Variants in ARMC8 observed in about 807,000 individuals in gnomAD.
ARMC8 encodes armadillo repeat-containing protein 8.
Under a neutral mutation model 99.3 loss-of-function variants are expected in ARMC8, and 20 were observed. The observed-to-expected ratio is 0.20, with a 90% CI of 0.14 to 0.29. The LOEUF is 0.29. Ranked by LOEUF, ARMC8 falls within the 10% of genes least tolerant of loss-of-function variation. ARMC8 has a pLI of 1.00. For missense variants in ARMC8, 569 were observed against 809.5 expected, an observed-to-expected ratio of 0.70 and a Z score of 3.60; for synonymous variants, 263 against 278.3, an observed-to-expected ratio of 0.95 and a Z score of 0.55.
At chr3:138,274,306 C>T in intron 17 of ARMC8, 143 bp from the exon 18 acceptor site, 1 of 586,740 alleles carries the variant, frequency 1.7e-6, no homozygotes, top group East Asian at 2.9e-5. Flanking sequence ...ATAATAAACA[C>T]TGTTCTTTGG....
chr3:138,205,753 C>T (rs558868567), intron 1 of ARMC8, among the ~76,000 whole-genome samples: 3 of 152,098 alleles, frequency 2.0e-5, no homozygotes, highest in South Asian at 2.1e-4. Flanking sequence ...GCCTGGGCAA[C>T]GAGGTTGAGA....
At chr3:138,288,787 G>T (rs866624195) in intron 19 of ARMC8, among the ~76,000 whole-genome samples, 1 of 151,920 alleles carries the variant, frequency 6.6e-6, no homozygotes, top group South Asian at 2.1e-4. Context: ...ACAGGCGCCC[G>T]CCACTACACC....
chr3:138,206,530 C>T (rs1422764299), intron 1 of ARMC8, among the ~76,000 whole-genome samples: 2 of 152,218 alleles, frequency 1.3e-5, no homozygotes, highest in African/African-American at 4.8e-5. Context: ...CTAAAAAAAG[C>T]TCTACCCCTA....
At chr3:138,259,263 G>A (rs190055523) in intron 12 of ARMC8, among the ~76,000 whole-genome samples, 3 of 152,184 alleles carry the variant, frequency 2.0e-5, no homozygotes, top group Non-Finnish European at 4.4e-5. Flanking sequence ...GGCTGTGGCA[G>A]CAGCCACTAC....
chr3:138,293,325 A>T (rs945637396), intron 21 of ARMC8, among the ~76,000 whole-genome samples: 2 of 152,170 alleles, frequency 1.3e-5, no homozygotes, highest in Admixed American at 6.5e-5. Flanking sequence ...GCGGATTATG[A>T]GGTCAGGAGT....
intron 12 of ARMC8, among the ~76,000 whole-genome samples, chr3:138,255,123 A>G (rs997587057): frequency 1.3e-5 from 2 of 151,500 alleles, no homozygotes; most frequent in African/African-American, 4.8e-5. Context: ...TGGGTTTTTT[A>G]GGTCTCCAGC....
chr3:138,276,624 C>T (rs954808503), intron 18 of ARMC8, among the ~76,000 whole-genome samples: 1 of 152,148 alleles, frequency 6.6e-6, no homozygotes, highest in Non-Finnish European at 1.5e-5. Context: ...TTTTTATATA[C>T]TAGCAGTGAA....
chr3:138,227,554 C>G (rs527264258), intron 5 of ARMC8, among the ~76,000 whole-genome samples: 5 of 152,218 alleles, frequency 3.3e-5, no homozygotes, highest in Non-Finnish European at 7.3e-5. Context: ...TACTAACAAA[C>G]GGGGAAGAGA....
At chr3:138,247,088 C>T (rs777412103) in intron 12 of ARMC8, among the ~76,000 whole-genome samples, 2 of 151,988 alleles carry the variant, frequency 1.3e-5, no homozygotes, top group African/African-American at 2.4e-5. Context: ...TGGCCATAGG[C>T]GTGGAAAAAT....
At chr3:138,270,000 C>A (rs1475308217) in intron 15 of ARMC8, 40 bp from the exon 16 acceptor site, 1 of 1,439,098 alleles carries the variant, frequency 6.9e-7, no homozygotes, top group Non-Finnish European at 9.8e-7. Context: ...GCAAACTGGA[C>A]TTTAAAGCTG....
At chr3:138,217,401 C>CT (rs753393123) in intron 2 of ARMC8, among the ~76,000 whole-genome samples, 3,613 of 135,758 alleles carry the variant, frequency 0.027, 55 homozygotes, top group Non-Finnish European at 0.039. Flanking sequence ...GGTCTAGATC[C>CT]TTTTTTTTTT....
chr3:138,188,461 G>A, intron 1 of ARMC8: 3 of 1,612,344 alleles, frequency 1.9e-6, no homozygotes, highest in South Asian at 2.2e-5. Flanking sequence ...CCAGGACCAG[G>A]AATGAAAGTT....
At chr3:138,188,731 C>T (rs2043214603) in intron 1 of ARMC8, among the ~76,000 whole-genome samples, 1 of 152,312 alleles carries the variant, frequency 6.6e-6, no homozygotes, top group East Asian at 1.9e-4. Flanking sequence ...ACTCACCTAT[C>T]TGAAAACACC....
chr3:138,258,581 A>C (rs551935543), intron 12 of ARMC8, among the ~76,000 whole-genome samples: 2 of 152,296 alleles, frequency 1.3e-5, no homozygotes, highest in South Asian at 4.2e-4. Context: ...CTCTGGACTG[A>C]GTGCCCCTCT....
chr3:138,274,413 T>C, intron 17 of ARMC8, 36 bp from the exon 18 acceptor site: 1 of 1,405,138 alleles, frequency 7.1e-7, no homozygotes, highest in Non-Finnish European at 1.0e-6. Flanking sequence ...TGGTCTTTGT[T>C]TCTTTGATAA....
At position 138,204,978 on chromosome 3, in the gene ARMC8, T is replaced by A. The variant is rs2044277548; in HGVS notation, c.46-4839T>A. ...TCCTAACATGTCCACAACTGAATTTTTGATCTTCCCAGTCAAATTCAGACC... is the reference window on the plus strand; with the variant it reads ...TCCTAACATGTCCACAACTGAATTTATGATCTTCCCAGTCAAATTCAGACC... On this transcript the variant is annotated intron_variant, in intron 1 of 21. Transcript: ENST00000469044. 2.0e-5 allele frequency among the ~76,000 whole-genome samples: 3 copies of A among 152,052 alleles called. No homozygotes were observed. In the South Asian group the frequency reaches 6.2e-4, roughly 32 times the overall value.
chr3:138,224,265 T>C (rs1169324613), intron 5 of ARMC8, among the ~76,000 whole-genome samples: 1 of 151,766 alleles, frequency 6.6e-6, no homozygotes, highest in African/African-American at 2.4e-5. Flanking sequence ...ACAACAAGAC[T>C]CCATCTCTAC....
At chr3:138,263,715 T>C (rs765155833) in intron 12 of ARMC8, 24 bp from the exon 13 acceptor site, 3 of 1,583,850 alleles carry the variant, frequency 1.9e-6, no homozygotes, top group Non-Finnish European at 2.6e-6. Flanking sequence ...TTGTTATTTA[T>C]GCAGCATTAA....
intron 2 of ARMC8, among the ~76,000 whole-genome samples, chr3:138,212,559 G>A (rs964001267): frequency 6.6e-6 from 1 of 151,942 alleles, no homozygotes; most frequent in Admixed American, 6.6e-5. Context: ...TCCACCTCTC[G>A]GCCTCCCAAA....
Sources: allele counts gnomAD v4.1 joint callset (sites outside exome capture counted in the v4.1 genomes callset), GRCh38; gene constraint gnomAD v4.1.1; transcripts MANE v1.5; gene names NCBI Gene and HGNC (gene_info 2026-07-23, HGNC 2026-07-21).